The following ADAMTS20 variants were observed in gnomAD, a reference collection of about 807,000 sequenced individuals.
The protein encoded by ADAMTS20 is A disintegrin and metalloproteinase with thrombospondin motifs 20.
Under a neutral mutation model 260.1 loss-of-function variants are expected in ADAMTS20, and 225 were observed. The observed-to-expected ratio is 0.87, with a 90% CI of 0.78 to 0.97. The LOEUF (loss-of-function observed/expected upper bound fraction) is 0.97, where lower values mean the gene tolerates loss of function less well. Ranked by LOEUF, ADAMTS20 falls within the 50% of genes least tolerant of loss-of-function variation. The pLI, the probability that ADAMTS20 is intolerant of heterozygous loss-of-function variation, is 0.00. For synonymous variants in ADAMTS20, 802 were observed against 769.5 expected (o/e 1.04, Z -0.70); for missense variants, 2,400 against 2,337.7 (o/e 1.03, Z -0.55).
At chr12:43,415,815 A>G (rs1289565584) in intron 28 of ADAMTS20, among the ~76,000 whole-genome samples, 1 of 152,148 alleles carries the variant, frequency 6.6e-6, no homozygotes, top group Non-Finnish European at 1.5e-5. Flanking sequence ...TGGTAAATGA[A>G]AGTTCACATT....
At chr12:43,361,502 C>T (rs766764257) in intron 37 of ADAMTS20, among the ~76,000 whole-genome samples, 3 of 152,236 alleles carry the variant, frequency 2.0e-5, no homozygotes, top group Non-Finnish European at 4.4e-5. Flanking sequence ...AGAGACATCT[C>T]GCCCCAGTGG....
intron 13 of ADAMTS20, 38 bp downstream of exon 13, chr12:43,452,476 G>C (rs959527028): frequency 1.9e-6 from 3 of 1,603,062 alleles, no homozygotes; most frequent in Non-Finnish European, 2.6e-6. Flanking sequence ...TTACGTCTCA[G>C]AAAAATTTAC....
intron 37 of ADAMTS20, among the ~76,000 whole-genome samples, chr12:43,360,748 T>G (rs1019875592): frequency 1.3e-5 from 2 of 151,982 alleles, no homozygotes; most frequent in African/African-American, 2.4e-5. Context: ...ACAAGAGAGA[T>G]CACATGAACA....
chr12:43,370,003 C>T (rs927325148), intron 36 of ADAMTS20, among the ~76,000 whole-genome samples: 7 of 152,032 alleles, frequency 4.6e-5, no homozygotes, highest in Admixed American at 2.0e-4. Flanking sequence ...GGAAGGAACA[C>T]TAAAAGTCAG....
intron 7 of ADAMTS20, among the ~76,000 whole-genome samples, chr12:43,474,030 A>T (rs1416295605): frequency 2.0e-5 from 3 of 151,760 alleles, no homozygotes; most frequent in Admixed American, 2.0e-4. Context: ...AACCCTTCAA[A>T]AAATCAATGA....
chr12:43,398,442 G>C (rs149291838), intron 29 of ADAMTS20, among the ~76,000 whole-genome samples: 2 of 151,954 alleles, frequency 1.3e-5, no homozygotes, highest in Admixed American at 6.6e-5. Flanking sequence ...TTCATTTTTG[G>C]TGAGTCTTTT....
chr12:43,380,509 T>C (rs1192704655), intron 31 of ADAMTS20, among the ~76,000 whole-genome samples: 3 of 152,150 alleles, frequency 2.0e-5, no homozygotes, highest in Non-Finnish European at 4.4e-5. Flanking sequence ...TATTTGTAGA[T>C]GAGATGATAT....
chr12:43,541,099 T>C (rs1310459507), intron 2 of ADAMTS20, among the ~76,000 whole-genome samples: 1 of 152,180 alleles, frequency 6.6e-6, no homozygotes, highest in East Asian at 1.9e-4. Flanking sequence ...CCCTTTGAAC[T>C]CTTTTCCCAA....
chr12:43,499,824 T>C (rs1942731316), intron 4 of ADAMTS20, among the ~76,000 whole-genome samples: 1 of 151,980 alleles, frequency 6.6e-6, no homozygotes, highest in African/African-American at 2.4e-5. Context: ...TTATGTAAAA[T>C]ATAGATAACA....
intron 3 of ADAMTS20, among the ~76,000 whole-genome samples, chr12:43,526,389 C>T (rs1042599260): frequency 3.9e-5 from 6 of 151,990 alleles, no homozygotes; most frequent in African/African-American, 7.3e-5. Context: ...ACCCGGAAGG[C>T]GGAGCTTGTG....
intron 28 of ADAMTS20, among the ~76,000 whole-genome samples, chr12:43,409,546 G>C (rs1940986345): frequency 8.1e-6 from 1 of 123,742 alleles, no homozygotes; most frequent in African/African-American, 3.2e-5. Flanking sequence ...AGCTTGCAGT[G>C]AGCCGAGATC....
At chr12:43,364,934 G>A (rs1249816837) in intron 37 of ADAMTS20, among the ~76,000 whole-genome samples, 1 of 151,890 alleles carries the variant, frequency 6.6e-6, no homozygotes, top group African/African-American at 2.4e-5. Flanking sequence ...AAGCCAAGTA[G>A]ACACAAAGAG....
intron 37 of ADAMTS20, among the ~76,000 whole-genome samples, chr12:43,360,291 A>C (rs1246261932): frequency 6.6e-6 from 1 of 152,048 alleles, no homozygotes; most frequent in Non-Finnish European, 1.5e-5. Flanking sequence ...TCCACTAAAA[A>C]TACAAAAATT....
At chr12:43,430,236 C>T (rs890572563) in intron 23 of ADAMTS20, 116 bp downstream of exon 23, 42 of 1,228,442 alleles carry the variant, frequency 3.4e-5, no homozygotes, top group Non-Finnish European at 4.0e-5. Flanking sequence ...CACACATACA[C>T]GTGTTTAAGG....
At chr12:43,464,276 A>G (rs1460191903) in intron 10 of ADAMTS20, among the ~76,000 whole-genome samples, 2 of 152,084 alleles carry the variant, frequency 1.3e-5, no homozygotes, top group Admixed American at 1.3e-4. Flanking sequence ...TAACCTCAAA[A>G]TAATATCATT....
chr12:43,423,885 TG>T (rs1297333112), intron 28 of ADAMTS20: 1 of 728,346 alleles, frequency 1.4e-6, no homozygotes, highest in East Asian at 2.5e-5. Context: ...TCCCACAAGA[TG>T]ATGGTCCTTT....
At chr12:43,387,871 C>T (rs995617564) in intron 29 of ADAMTS20, among the ~76,000 whole-genome samples, 1 of 152,114 alleles carries the variant, frequency 6.6e-6, no homozygotes, top group Non-Finnish European at 1.5e-5. Context: ...ATGGCTGATG[C>T]CCCTCCCCCC....
chr12:43,427,165 C>A, intron 27 of ADAMTS20, 143 bp downstream of exon 27: 1 of 875,024 alleles, frequency 1.1e-6, no homozygotes, highest in Non-Finnish European at 1.6e-6. Flanking sequence ...AGAGTGAGAC[C>A]CTGTCTCCAA....
At chr12:43,434,800 G>A (rs1418600071) in intron 18 of ADAMTS20, among the ~76,000 whole-genome samples, 4 of 152,320 alleles carry the variant, frequency 2.6e-5, no homozygotes, top group Admixed American at 2.0e-4. Context: ...GTAACTTCCT[G>A]TAGGGGAAGA....
Sources: gnomAD v4.1 joint callset for allele counts (sites outside exome capture counted in the v4.1 genomes callset) on GRCh38, gnomAD v4.1.1 for gene constraint, MANE v1.5 for transcripts, NCBI Gene and HGNC (gene_info 2026-07-23, HGNC 2026-07-21) for gene names.